The following RIT2 variants were observed in gnomAD, a reference collection of about 807,000 sequenced individuals.
RIT2 encodes Ras like without CAAX 2.
Under a neutral mutation model 23.7 loss-of-function variants are expected in RIT2, and 24 were observed. That is an observed-to-expected ratio of 1.01 (90% CI 0.73 to 1.43). RIT2 has a LOEUF of 1.43. Among genes scored for constraint, RIT2 ranks in the 40% most tolerant of loss-of-function variants. The pLI is 0.00. For synonymous variants in RIT2, 107 were observed against 91.1 expected, an observed-to-expected ratio of 1.17 and a Z score of -0.99; for missense variants, 236 against 266.9, an observed-to-expected ratio of 0.88 and a Z score of 0.81.
intron 1 of RIT2, among the ~76,000 whole-genome samples, chr18:43,057,598 C>T (rs894109259): frequency 7.2e-5 from 11 of 151,834 alleles, no homozygotes; most frequent in African/African-American, 1.7e-4. Flanking sequence ...TGTATGTGCA[C>T]GCACATGCAT....
At chr18:43,038,309 C>T (rs1415048703) in intron 1 of RIT2, among the ~76,000 whole-genome samples, 1 of 117,520 alleles carries the variant, frequency 8.5e-6, no homozygotes, top group East Asian at 2.2e-4. Context: ...TTTATTGAAT[C>T]GTGGTTTTTT....
At chr18:43,020,631 C>T (rs1487545155) in intron 2 of RIT2, among the ~76,000 whole-genome samples, 1 of 152,048 alleles carries the variant, frequency 6.6e-6, no homozygotes, top group Non-Finnish European at 1.5e-5. Context: ...GTCACAAAAA[C>T]AACATGCATG....
chr18:43,041,566 A>C (rs1912129199), intron 1 of RIT2, among the ~76,000 whole-genome samples: 1 of 152,188 alleles, frequency 6.6e-6, no homozygotes, highest in Non-Finnish European at 1.5e-5. Flanking sequence ...AAGTACATAT[A>C]ATAAATAATG....
intron 4 of RIT2, among the ~76,000 whole-genome samples, chr18:42,748,213 T>C (rs930736674): frequency 6.6e-6 from 1 of 151,576 alleles, no homozygotes; most frequent in African/African-American, 2.4e-5. Flanking sequence ...ATATCCACAA[T>C]CTACAAGAGA....
At chr18:42,806,100 A>AAT (rs58214096) in intron 4 of RIT2, among the ~76,000 whole-genome samples, 3,004 of 139,928 alleles carry the variant, frequency 0.021, 34 homozygotes, top group African/African-American at 0.042. Context: ...TAATAAAATT[A>AAT]ATATATATAT....
intron 2 of RIT2, among the ~76,000 whole-genome samples, chr18:42,988,543 T>A (rs1030516966): frequency 6.6e-6 from 1 of 152,198 alleles, no homozygotes; most frequent in East Asian, 1.9e-4. Context: ...CTCATTGGCC[T>A]GGCATGATGC....
intron 1 of RIT2, among the ~76,000 whole-genome samples, chr18:43,095,460 T>C (rs1358818565): frequency 6.6e-6 from 1 of 151,936 alleles, no homozygotes; most frequent in Admixed American, 6.6e-5. Context: ...CATGTATACC[T>C]ATGTACAAAC....
At chr18:42,811,217 T>C (rs968431812) in intron 4 of RIT2, among the ~76,000 whole-genome samples, 3 of 152,110 alleles carry the variant, frequency 2.0e-5, no homozygotes, top group African/African-American at 7.2e-5. Context: ...TTAAAATTAC[T>C]TAAATGCTAT....
At chr18:42,811,705 C>T (rs1463803874) in intron 4 of RIT2, among the ~76,000 whole-genome samples, 1 of 152,010 alleles carries the variant, frequency 6.6e-6, no homozygotes, top group East Asian at 1.9e-4. Context: ...CAAATATTGT[C>T]ATGCCTTAGT....
intron 2 of RIT2, among the ~76,000 whole-genome samples, chr18:42,996,319 C>G (rs568663118): frequency 1.3e-5 from 2 of 152,176 alleles, no homozygotes; most frequent in Non-Finnish European, 2.9e-5. Context: ...TCTCTCCATA[C>G]CATCCCCCAA....
At chr18:42,951,507 A>G (rs1347520330) in intron 3 of RIT2, among the ~76,000 whole-genome samples, 1 of 152,026 alleles carries the variant, frequency 6.6e-6, no homozygotes, top group Non-Finnish European at 1.5e-5. Context: ...GGGATAATTC[A>G]TACTCCAAAC....
rs191806776 is a variant in RIT2 at position 42,938,204 on chromosome 18, T to C, written c.235-14441A>G. Among the ~76,000 whole-genome samples, 34 of 152,246 alleles carry C rather than the reference T, an allele frequency of 2.2e-4. No homozygotes were observed. In the East Asian group the frequency reaches 6.6e-3, roughly 29 times the overall value. On this transcript the variant is annotated intron_variant, in intron 3 of 4. Coordinates refer to ENST00000326695, the MANE Select transcript of RIT2 (RefSeq NM_002930.4). ...AGTGAGAAAGGAAATAAGTATAAAA[T>C]AGTATTGAGTGTGGCCAAGGGGATA... is the stretch of plus-strand genomic sequence containing the variant.
At chr18:42,897,333 G>A (rs1798485112) in intron 4 of RIT2, among the ~76,000 whole-genome samples, 1 of 152,142 alleles carries the variant, frequency 6.6e-6, no homozygotes. Flanking sequence ...CAGTGGGAAA[G>A]GTTAGTCTGG....
At chr18:43,037,997 G>A (rs545279310) in intron 1 of RIT2, among the ~76,000 whole-genome samples, 5 of 152,124 alleles carry the variant, frequency 3.3e-5, no homozygotes, top group African/African-American at 4.8e-5. Context: ...GAGGTCAGGA[G>A]ATCGAGACCA....
intron 2 of RIT2, among the ~76,000 whole-genome samples, chr18:43,032,176 C>T (rs972911447): frequency 1.3e-5 from 2 of 152,014 alleles, no homozygotes; most frequent in Non-Finnish European, 2.9e-5. Flanking sequence ...TCTGTTAGTA[C>T]TGAATGTCCA....
chr18:43,055,307 G>A (rs1016323496), intron 1 of RIT2, among the ~76,000 whole-genome samples: 5 of 152,114 alleles, frequency 3.3e-5, no homozygotes, highest in Non-Finnish European at 5.9e-5. Flanking sequence ...CTCCAGAGAC[G>A]TGGCCTCTGG....
intron 4 of RIT2, among the ~76,000 whole-genome samples, chr18:42,885,552 C>T (rs537986119): frequency 1.3e-5 from 2 of 152,220 alleles, no homozygotes; most frequent in African/African-American, 4.8e-5. Context: ...TGCCTCTGCG[C>T]TCCAGCCTGG....
chr18:42,896,325 G>A (rs901809325), intron 4 of RIT2, among the ~76,000 whole-genome samples: 1 of 152,148 alleles, frequency 6.6e-6, no homozygotes, highest in African/African-American at 2.4e-5. Context: ...TGGATTCAAC[G>A]TCCACTTCAA....
At chr18:42,872,896 G>T (rs1479804226) in intron 4 of RIT2, among the ~76,000 whole-genome samples, 2 of 151,958 alleles carry the variant, frequency 1.3e-5, no homozygotes, top group Non-Finnish European at 2.9e-5. Flanking sequence ...GATATCATTT[G>T]GAACATCACA....
Sources: allele counts gnomAD v4.1 joint callset (sites outside exome capture counted in the v4.1 genomes callset), GRCh38; gene constraint gnomAD v4.1.1; transcripts MANE v1.5; gene names NCBI Gene and HGNC (gene_info 2026-07-23, HGNC 2026-07-21).